The following UNC5D variants were observed in gnomAD, a reference collection of about 807,000 sequenced individuals.
The protein encoded by UNC5D is netrin receptor UNC5D.
UNC5D carries 39 observed loss-of-function variants against 105.4 expected under a neutral mutation model. The ratio of observed to expected loss-of-function variants is 0.37; its 90% CI spans 0.29 to 0.48. The LOEUF (loss-of-function observed/expected upper bound fraction) is 0.48. Among genes scored for constraint, UNC5D ranks in the 20% least tolerant of loss-of-function variants. The pLI is 0.98. For missense variants in UNC5D, 991 were observed against 1,202.4 expected, an observed-to-expected ratio of 0.82 and a Z score of 2.60; for synonymous variants, 452 against 450.4, an observed-to-expected ratio of 1.00 and a Z score of -0.04.
At chr8:35,559,579 G>A (rs1040716279) in intron 2 of UNC5D, among the ~76,000 whole-genome samples, 11 of 152,210 alleles carry the variant, frequency 7.2e-5, no homozygotes, top group Non-Finnish European at 1.2e-4. Flanking sequence ...GCCAGGTGTT[G>A]GTAGGCACCG....
At chr8:35,503,876 C>T (rs936881312) in intron 1 of UNC5D, among the ~76,000 whole-genome samples, 2 of 152,158 alleles carry the variant, frequency 1.3e-5, no homozygotes, top group Non-Finnish European at 2.9e-5. Flanking sequence ...ATTATAGTTA[C>T]CTGCTCAACA....
chr8:35,459,212 A>C (rs2129638031), intron 1 of UNC5D, among the ~76,000 whole-genome samples: 1 of 152,292 alleles, frequency 6.6e-6, no homozygotes, highest in East Asian at 1.9e-4. Context: ...CTTAAGGATT[A>C]ACACCATTTG....
chr8:35,429,564 T>G lies in UNC5D; in HGVS notation c.104-119728T>G, dbSNP rs564362649. 3.9e-5 allele frequency among the ~76,000 whole-genome samples: 6 copies of G among 152,298 alleles called. No individual in the cohort carries two copies. The South Asian group carries it at 1.0e-3, about 26-fold the overall frequency. ...AATTTCATTATTTAGCCATTAAAGA[T>G]AAAAATATTACTAGAGGAAATGAGT... On this transcript the variant is annotated intron_variant, in intron 1 of 16. Coordinates refer to ENST00000404895, the MANE Select transcript of UNC5D (RefSeq NM_080872.4).
chr8:35,407,369 A>C (rs571990294), intron 1 of UNC5D, among the ~76,000 whole-genome samples: 25 of 152,204 alleles, frequency 1.6e-4, no homozygotes, highest in Admixed American at 9.8e-4. Flanking sequence ...CTTGATAGTA[A>C]TATTTTTGAG....
chr8:35,437,968 T>C (rs947261050), intron 1 of UNC5D, among the ~76,000 whole-genome samples: 11 of 152,030 alleles, frequency 7.2e-5, no homozygotes, highest in African/African-American at 2.7e-4. Flanking sequence ...ATTACTGTTA[T>C]ATCTGGCTCA....
At chr8:35,750,844 CATG>C (rs753417750) in intron 13 of UNC5D, 35 bp downstream of exon 13, 1 of 1,608,768 alleles carries the variant, frequency 6.2e-7, no homozygotes, top group East Asian at 2.2e-5. Context: ...CTTTTGGTGT[CATG>C]AAAGTGTGTG....
intron 1 of UNC5D, among the ~76,000 whole-genome samples, chr8:35,474,202 C>G (rs1809929313): frequency 6.6e-6 from 1 of 152,180 alleles, no homozygotes. Flanking sequence ...GAGATATTAC[C>G]AATTGTAATT....
intron 1 of UNC5D, among the ~76,000 whole-genome samples, chr8:35,304,007 T>G (rs1214545728): frequency 6.6e-6 from 1 of 152,150 alleles, no homozygotes; most frequent in Non-Finnish European, 1.5e-5. Context: ...GCTATTAGAC[T>G]GCATTTCTCA....
intron 4 of UNC5D, among the ~76,000 whole-genome samples, chr8:35,652,915 A>ATTTTTTTTT (rs34611902): frequency 2.0e-5 from 1 of 49,158 alleles, no homozygotes; most frequent in Non-Finnish European, 3.8e-5. Context: ...ACAAGTGAGG[A>ATTTTTTTTT]TTTTTTTTTT....
intron 1 of UNC5D, among the ~76,000 whole-genome samples, chr8:35,369,832 G>A (rs192512013): frequency 9.2e-5 from 14 of 152,234 alleles, no homozygotes; most frequent in Non-Finnish European, 1.5e-4. Context: ...AGCTCCTTCC[G>A]TGTCAGGCTT....
intron 1 of UNC5D, among the ~76,000 whole-genome samples, chr8:35,479,935 TAAAAG>T (rs1205633178): frequency 1.3e-5 from 2 of 152,254 alleles, no homozygotes; most frequent in East Asian, 3.9e-4. Context: ...ATGAAAATAG[TAAAAG>T]AAAAGTGCTT....
intron 1 of UNC5D, among the ~76,000 whole-genome samples, chr8:35,476,816 C>A (rs768568751): frequency 6.6e-6 from 1 of 152,144 alleles, no homozygotes; most frequent in Non-Finnish European, 1.5e-5. Flanking sequence ...AAGGATTTTG[C>A]ATACATATTT....
At chr8:35,529,408 A>G (rs1814159001) in intron 1 of UNC5D, among the ~76,000 whole-genome samples, 1 of 148,622 alleles carries the variant, frequency 6.7e-6, no homozygotes, top group Admixed American at 6.7e-5. Context: ...ATTGATCTAT[A>G]TCTCTGTTTT....
rs114187043 is a variant in UNC5D, at chr8:35,636,246, G to A, written c.570+40589G>A. On this transcript the variant is annotated intron_variant, in intron 4 of 16. Coordinates refer to ENST00000404895, the MANE Select transcript of UNC5D (RefSeq NM_080872.4). ...TCGAATGATGGGTTTTGTACCTACC[G>A]GTAATAGTTTCTAGTAACTAAGCAT... Among the ~76,000 whole-genome samples the A allele has an allele frequency of 6.4e-3, 968 of 152,232 alleles. 7 individuals carry two copies. The highest frequency in any genetic ancestry group is 0.023 in the African/African-American group (937 of 41,538).
intron 1 of UNC5D, among the ~76,000 whole-genome samples, chr8:35,241,494 G>A (rs979458418): frequency 6.6e-6 from 1 of 152,072 alleles, no homozygotes; most frequent in African/African-American, 2.4e-5. Flanking sequence ...GTGTTTATGG[G>A]GCTAAAGTAG....
intron 1 of UNC5D, among the ~76,000 whole-genome samples, chr8:35,327,285 T>A (rs946234906): frequency 4.6e-4 from 70 of 152,226 alleles, no homozygotes; most frequent in African/African-American, 1.6e-3. Context: ...AATTTTTACA[T>A]GGACTAAATG....
chr8:35,711,774 A>G lies in UNC5D; in HGVS notation c.1117+5813A>G, dbSNP rs565223027. 3.9e-5 allele frequency among the ~76,000 whole-genome samples: 6 copies of G among 152,238 alleles called. No homozygotes were observed. In the South Asian group the frequency reaches 8.3e-4, roughly 21 times the overall value. On this transcript the variant is annotated intron_variant, in intron 8 of 16. Coordinates refer to ENST00000404895, the MANE Select transcript of UNC5D (RefSeq NM_080872.4). ...TTGTAAGTTGCCTCCGTATCAAACT[A>G]TCCCGTTTTTGTTCTATATTTTCAT...
In UNC5D at chr8:35,352,916, G is replaced by A. The variant is rs1219918911; in HGVS notation, c.103+117029G>A. On this transcript the variant is annotated intron_variant, in intron 1 of 16. Transcript: ENST00000404895. ...GCGTGAGCCACTGAGCCTGGCCAAT[G>A]CTAGTATTTCTTAATAATGGCACCT... 2.6e-5 allele frequency among the ~76,000 whole-genome samples: 4 copies of A among 152,168 alleles called. No individual in the cohort carries two copies. The South Asian group carries it at 6.2e-4, about 24-fold the overall frequency.
At chr8:35,533,620 A>G (rs371207245) in intron 1 of UNC5D, among the ~76,000 whole-genome samples, 11 of 152,082 alleles carry the variant, frequency 7.2e-5, no homozygotes, top group East Asian at 3.9e-4. Context: ...GCAAGCCTGG[A>G]CAATGGCGGG....
Sources: allele counts gnomAD v4.1 joint callset (sites outside exome capture counted in the v4.1 genomes callset), GRCh38; gene constraint gnomAD v4.1.1; transcripts MANE v1.5; gene names NCBI Gene and HGNC (gene_info 2026-07-23, HGNC 2026-07-21).